The following TENM2 variants were observed in gnomAD, a reference collection of about 807,000 sequenced individuals.
TENM2 encodes the protein teneurin-2.
Under a neutral mutation model 245.2 loss-of-function variants are expected in TENM2, and 52 were observed. The observed-to-expected ratio is 0.21, with a 90% CI of 0.17 to 0.27. The LOEUF is 0.27. Ranked by LOEUF, TENM2 falls within the 10% of genes least tolerant of loss-of-function variation. TENM2 has a pLI of 1.00. For synonymous variants in TENM2, 1,363 were observed against 1,438.9 expected (o/e 0.95, Z 1.19); for missense variants, 3,046 against 3,666.8 (o/e 0.83, Z 4.37).
chr5:167,334,775 G>A (rs1035039206), intron 1 of TENM2, among the ~76,000 whole-genome samples: 6 of 152,154 alleles, frequency 3.9e-5, no homozygotes, highest in Non-Finnish European at 8.8e-5. Flanking sequence ...AATCTTAAAA[G>A]GATACCAAAT....
intron 2 of TENM2, among the ~76,000 whole-genome samples, chr5:167,756,553 G>C (rs1401389841): frequency 6.6e-6 from 1 of 152,138 alleles, no homozygotes; most frequent in African/African-American, 2.4e-5. Flanking sequence ...GAGATATGAG[G>C]CTCCAGGAGG....
chr5:167,761,354 C>T (rs1431822833), intron 2 of TENM2, among the ~76,000 whole-genome samples: 1 of 151,988 alleles, frequency 6.6e-6, no homozygotes, highest in Non-Finnish European at 1.5e-5. Context: ...ACTGATCTAC[C>T]CCATCAACCC....
the TENM2 span, among the ~76,000 whole-genome samples, chr5:167,144,456 A>C: frequency 6.6e-6 from 1 of 152,234 alleles, no homozygotes; most frequent in Non-Finnish European, 1.5e-5. Flanking sequence ...TCTAATTTTC[A>C]AAAGCTAAGC....
chr5:167,078,335 T>C, the TENM2 span, among the ~76,000 whole-genome samples: 4 of 151,924 alleles, frequency 2.6e-5, no homozygotes, highest in Admixed American at 6.6e-5. Context: ...AATACAAAAT[T>C]AGCCAGGTGT....
the TENM2 span, among the ~76,000 whole-genome samples, chr5:167,056,524 ATATC>A: frequency 7.6e-5 from 11 of 144,110 alleles, no homozygotes; most frequent in African/African-American, 2.6e-4. Context: ...TTTTATGTAT[ATATC>A]TATATATCTA....
intron 1 of TENM2, among the ~76,000 whole-genome samples, chr5:167,313,735 C>A (rs1244413242): frequency 6.6e-6 from 1 of 152,150 alleles, no homozygotes; most frequent in Non-Finnish European, 1.5e-5. Context: ...TCTATCTCTG[C>A]CTCTATGTAG....
chr5:167,741,970 A>G (rs1761207401), intron 2 of TENM2, among the ~76,000 whole-genome samples: 1 of 152,102 alleles, frequency 6.6e-6, no homozygotes, highest in Non-Finnish European at 1.5e-5. Flanking sequence ...ATGAGTACAC[A>G]CCACACCCAG....
At chr5:167,428,696 T>C (rs1764029430) in intron 2 of TENM2, among the ~76,000 whole-genome samples, 1 of 152,190 alleles carries the variant, frequency 6.6e-6, no homozygotes, top group African/African-American at 2.4e-5. Flanking sequence ...GTGGCCTTGT[T>C]TTAGTATATA....
intron 2 of TENM2, among the ~76,000 whole-genome samples, chr5:167,483,203 CG>C (rs1767862752): frequency 6.6e-6 from 1 of 152,136 alleles, no homozygotes; most frequent in South Asian, 2.1e-4. Context: ...CAGAGTTAGC[CG>C]GCCAATTTCC....
chr5:167,426,527 T>C (rs1011956379), intron 2 of TENM2, among the ~76,000 whole-genome samples: 2 of 132,584 alleles, frequency 1.5e-5, no homozygotes, highest in Admixed American at 8.5e-5. Context: ...CTGGGCAACA[T>C]AGTGACACCT....
intron 2 of TENM2, among the ~76,000 whole-genome samples, chr5:167,551,402 T>G (rs2127621888): frequency 6.6e-6 from 1 of 152,286 alleles, no homozygotes; most frequent in East Asian, 1.9e-4. Flanking sequence ...AGATTCTTTA[T>G]CCATCTGCCC....
At chr5:167,485,447 G>A (rs957257030) in intron 2 of TENM2, among the ~76,000 whole-genome samples, 10 of 152,114 alleles carry the variant, frequency 6.6e-5, no homozygotes, top group South Asian at 2.1e-4. Context: ...TGAAATTAAC[G>A]TGTCTTTAAA....
intron 25 of TENM2, chr5:168,229,670 T>G (rs1348336130): frequency 6.6e-6 from 1 of 152,160 alleles, no homozygotes; most frequent in Non-Finnish European, 1.5e-5. Context: ...GGTTGTAACT[T>G]TTTTGCTGTG....
intron 25 of TENM2, among the ~76,000 whole-genome samples, chr5:168,238,895 C>T (rs555191043): frequency 1.3e-5 from 2 of 152,176 alleles, no homozygotes; most frequent in Non-Finnish European, 2.9e-5. Flanking sequence ...CTTACAAACA[C>T]AAAATTGTAT....
intron 5 of TENM2, among the ~76,000 whole-genome samples, chr5:167,993,397 A>C (rs1305347405): frequency 1.3e-5 from 2 of 152,242 alleles, no homozygotes; most frequent in Non-Finnish European, 2.9e-5. Context: ...AATGACATCC[A>C]TCAGAAGGGA....
intron 1 of TENM2, among the ~76,000 whole-genome samples, chr5:167,322,776 C>A (rs1265341385): frequency 5.9e-5 from 9 of 152,188 alleles, no homozygotes; most frequent in Admixed American, 3.3e-4. Context: ...CCATTAAACA[C>A]CATTAGTAGG....
At chr5:168,215,542 G>A (rs113961088) in intron 21 of TENM2, among the ~76,000 whole-genome samples, 3 of 152,174 alleles carry the variant, frequency 2.0e-5, no homozygotes, top group African/African-American at 7.2e-5. Context: ...GGCGGTGGGC[G>A]CCTGTAGTCC....
intron 27 of TENM2, among the ~76,000 whole-genome samples, chr5:168,259,965 A>G (rs1205833833): frequency 6.6e-6 from 1 of 152,230 alleles, no homozygotes; most frequent in Non-Finnish European, 1.5e-5. Context: ...TATCTGAGGA[A>G]CCTAAGGCTC....
Position 167,953,728 on chromosome 5 carries a change from C to T in TENM2, c.947+906C>T, listed in dbSNP as rs115976141. On this transcript the variant is annotated intron_variant, in intron 4 of 28. Coordinates refer to ENST00000518659, the Ensembl canonical transcript of TENM2. ...TTCATACTGACCCTTCATAAAGTTCCCAAATAGATTTTAAACTTTAATAAC... is the reference window on the plus strand; with the variant it reads ...TTCATACTGACCCTTCATAAAGTTCTCAAATAGATTTTAAACTTTAATAAC... Among the ~76,000 whole-genome samples the T allele has an allele frequency of 4.2e-3, 640 of 152,224 alleles. 8 individuals are homozygous for T. Among genetic ancestry groups the T allele is most frequent in the African/African-American group, 0.015 (608 of 41,540 alleles).
Sources: allele counts gnomAD v4.1 joint callset (sites outside exome capture counted in the v4.1 genomes callset), GRCh38; gene constraint gnomAD v4.1.1; transcripts MANE v1.5; gene names NCBI Gene and HGNC (gene_info 2026-07-23, HGNC 2026-07-21).